Variants in FDX2 observed in about 807,000 individuals in gnomAD.
FDX2 encodes ferredoxin-2, mitochondrial.
A neutral mutation model predicts 18.5 loss-of-function variants in FDX2; 13 were observed. That is an observed-to-expected ratio of 0.70 (90% confidence interval 0.46 to 1.12). The LOEUF (loss-of-function observed/expected upper bound fraction) is 1.12. FDX2 is among the 50% of genes most tolerant of loss of function. The probability of loss-of-function intolerance (pLI) is 0.00; values close to 1 mark genes in which losing one functional copy is unlikely to be tolerated. For synonymous variants in FDX2, 132 were observed against 106.2 expected (o/e 1.24, Z -1.49); for missense variants, 238 against 250.4 (o/e 0.95, Z 0.34).
intron 3 of FDX2, 49 bp downstream of exon 3, chr19:10,315,337 T>TTTTTTTGAAAAA: frequency 9.4e-7 from 1 of 1,064,558 alleles, no homozygotes; most frequent in Non-Finnish European, 1.3e-6. Context: ...TTTTTTTTTT[T>TTTTTTTGAAAAA]TGGACAAATG....
chr19:10,312,656 C>A (rs1034964640), intron 3 of FDX2, among the ~76,000 whole-genome samples: 2 of 152,158 alleles, frequency 1.3e-5, no homozygotes, highest in African/African-American at 4.8e-5. Context: ...CCTCCGCCTC[C>A]CAGAGCAGCT....
chr19:10,311,180 C>T (rs2040320217), intron 3 of FDX2, among the ~76,000 whole-genome samples: 1 of 152,108 alleles, frequency 6.6e-6, no homozygotes, highest in Non-Finnish European at 1.5e-5. Context: ...CCAGGGACTC[C>T]CTAGCAGGCT....
Position 10,310,397 on chromosome 19 carries a change from G to A in FDX2, c.*89C>T. The stretch of plus-strand genomic sequence containing the variant: ...GGGCTTCCACGTCTCTCCCGGGCCT[G>A]TCCGCACTCTGGGCAGGGCTGGCAC... On this transcript the variant is annotated 3_prime_UTR_variant, in exon 5 of 5. Coordinates refer to ENST00000393708, the MANE Select transcript of FDX2 (RefSeq NM_001031734.4). 5.7e-6 allele frequency: 9 copies of A among 1,566,074 alleles called. No individual in the cohort carries two copies. The highest frequency in any genetic ancestry group is 7.0e-6 in the Non-Finnish European group (8 of 1,146,004).
Position 10,310,237 on chromosome 19 carries a change from A to G in FDX2, c.*249T>C. 1 of 548,428 alleles carries G rather than the reference A, an allele frequency of 1.8e-6. No individual in the cohort carries two copies. The highest frequency in any genetic ancestry group is 3.3e-6 in the Non-Finnish European group (1 of 307,252). The allele number at this position is 548,428 out of a possible 1,614,324, so 34.0% of individuals were successfully genotyped here. A position where few individuals can be genotyped will look rare whatever the true frequency, so the allele number is the denominator to read the frequency against. ...GGGGCCTGTGTTATCGATTTATTGC[A>G]GCTCCAATATGAGTCCACTCCTACT... On this transcript the variant is annotated 3_prime_UTR_variant, in exon 5 of 5. Coordinates refer to ENST00000393708, the MANE Select transcript of FDX2 (RefSeq NM_001031734.4).
chr19:10,311,415 T>TG (rs2040323018), intron 3 of FDX2, among the ~76,000 whole-genome samples: 1 of 151,514 alleles, frequency 6.6e-6, no homozygotes, highest in Admixed American at 6.6e-5. Context: ...TTTTTTTTTT[T>TG]GAGATGGAGT....
chr19:10,315,316 TG>T lies in FDX2; in HGVS notation c.316+69del, dbSNP rs138235551. ...GACGTGAAGAGACACACCTAATTTG[TG>T]GGTTTTTTTTTTTTTTTTTTTGGAC... On this transcript the variant is annotated intron_variant, in intron 3 of 4. Coordinates refer to ENST00000393708, the MANE Select transcript of FDX2 (RefSeq NM_001031734.4). 0.14 allele frequency: 92,260 copies of T among 678,092 alleles called. 9,730 individuals carry two copies. The highest frequency in any genetic ancestry group is 0.16 in the Middle Eastern group (380 of 2,384). The allele number at this position is 678,092 out of a possible 1,614,324, so 42.0% of individuals were successfully genotyped here. A position where few individuals can be genotyped will look rare whatever the true frequency, so the allele number is the denominator to read the frequency against.
At chr19:10,312,545 T>A in intron 3 of FDX2, among the ~76,000 whole-genome samples, 1 of 152,112 alleles carries the variant, frequency 6.6e-6, no homozygotes. Flanking sequence ...TGTAATTTTT[T>A]TCTTAGAGAT....
intron 3 of FDX2, among the ~76,000 whole-genome samples, chr19:10,312,625 C>T (rs1025887099): frequency 7.2e-5 from 11 of 152,156 alleles, no homozygotes; most frequent in Non-Finnish European, 1.0e-4. Flanking sequence ...CTCCGCTTCC[C>T]GGATTCACGC....
At position 10,315,318 on chromosome 19, in the gene FDX2, G is replaced by GT. The variant is rs374084891; in HGVS notation, c.316+67_316+68insA. 0.17 allele frequency: 71,362 copies of GT among 422,098 alleles called. 7,784 individuals carry two copies. The highest frequency in any genetic ancestry group is 0.36 in the African/African-American group (10,238 of 28,712). 26.1% of individuals were successfully genotyped at this position (422,098 alleles called of 1,614,324 possible). A position where few individuals can be genotyped will look rare whatever the true frequency, so the allele number is the denominator to read the frequency against. ...CGTGAAGAGACACACCTAATTTGTG[G>GT]GTTTTTTTTTTTTTTTTTTTGGACA... On this transcript the variant is annotated intron_variant, in intron 3 of 4. Transcript: ENST00000393708.
At chr19:10,314,235 C>T (rs7408715) in intron 3 of FDX2, among the ~76,000 whole-genome samples, 22,409 of 152,120 alleles carry the variant, frequency 0.15, 1,872 homozygotes, top group Admixed American at 0.26. Context: ...TCGCCTGCCT[C>T]GGCCTCCCAA....
chr19:10,315,337 T>TTTTTTGGAAAAATGTA, intron 3 of FDX2, 49 bp downstream of exon 3: 1 of 1,064,558 alleles, frequency 9.4e-7, no homozygotes, highest in Non-Finnish European at 1.3e-6. Context: ...TTTTTTTTTT[T>TTTTTTGGAAAAATGTA]TGGACAAATG....
intron 3 of FDX2, among the ~76,000 whole-genome samples, chr19:10,311,455 T>C (rs946490411): frequency 1.3e-5 from 2 of 151,254 alleles, no homozygotes; most frequent in African/African-American, 4.9e-5. Flanking sequence ...TGGAGTGCAG[T>C]GGCACGATCT....
intron 3 of FDX2, among the ~76,000 whole-genome samples, chr19:10,313,227 A>T (rs905518560): frequency 6.6e-6 from 1 of 152,192 alleles, no homozygotes; most frequent in Non-Finnish European, 1.5e-5. Flanking sequence ...AACTTTAGGT[A>T]GGCCTTTCAT....
chr19:10,310,483 A>C lies in FDX2; in HGVS notation c.*3T>G. 6.2e-7 allele frequency: 1 copy of C among 1,614,070 alleles called. No homozygotes were observed. The highest frequency in any genetic ancestry group is 8.5e-7 in the Non-Finnish European group (1 of 1,180,002). On this transcript the variant is annotated 3_prime_UTR_variant, in exon 5 of 5. Coordinates refer to ENST00000393708, the MANE Select transcript of FDX2 (RefSeq NM_001031734.4). ...GCAATGTGGAATGGTCCAGGTGTTC[A>C]TGTCAGTGGGGCTTGGGGACATGGC... is the stretch of plus-strand genomic sequence containing the variant.
chr19:10,312,135 G>A (rs1369897282), intron 3 of FDX2, among the ~76,000 whole-genome samples: 1 of 148,550 alleles, frequency 6.7e-6, no homozygotes, highest in Non-Finnish European at 1.5e-5. Flanking sequence ...CTCCCTAAGT[G>A]CTGGGATTAC....
chr19:10,313,671 A>ATT (rs1198833749), intron 3 of FDX2, among the ~76,000 whole-genome samples: 14 of 45,414 alleles, frequency 3.1e-4, no homozygotes, highest in East Asian at 2.3e-3. Context: ...ATATATATAT[A>ATT]TTTTTTTTTT....
intron 3 of FDX2, 101 bp downstream of exon 3, chr19:10,315,285 G>C (rs148858853): frequency 1.1e-6 from 1 of 951,010 alleles, no homozygotes; most frequent in African/African-American, 1.7e-5. Flanking sequence ...TATTTGGTGG[G>C]AAAAAGACGT....
intron 3 of FDX2, 113 bp from the exon 4 acceptor site, chr19:10,311,053 T>C (rs2145048612): frequency 1.4e-6 from 1 of 695,266 alleles, no homozygotes; most frequent in East Asian, 2.7e-5. Context: ...CACGTCTCCC[T>C]CCTGGGCCTG....
rs553694061 is a variant in FDX2, at chr19:10,312,678, C to T, written c.317-1738G>A. On this transcript the variant is annotated intron_variant, in intron 3 of 4. Coordinates refer to ENST00000393708, the MANE Select transcript of FDX2 (RefSeq NM_001031734.4). ...CTCCCAGAGCAGCTGGGACTACAGGCGCCTGCCACCATGCCTGGCTAATTT... is the reference window on the plus strand; with the variant it reads ...CTCCCAGAGCAGCTGGGACTACAGGTGCCTGCCACCATGCCTGGCTAATTT... 9.2e-5 allele frequency among the ~76,000 whole-genome samples: 14 copies of T among 152,238 alleles called. No homozygotes were observed. The East Asian group carries it at 1.4e-3, about 15-fold the overall frequency.
Sources: allele counts gnomAD v4.1 joint callset (sites outside exome capture counted in the v4.1 genomes callset), GRCh38; gene constraint gnomAD v4.1.1; transcripts MANE v1.5; gene names NCBI Gene and HGNC (gene_info 2026-07-23, HGNC 2026-07-21).